The following NCOR2 variants were observed in gnomAD, a reference collection of about 807,000 sequenced individuals.
NCOR2 encodes the protein nuclear receptor corepressor 2, also known as CTG repeat protein 26.
In NCOR2, 81 loss-of-function variants were observed where a neutral mutation model predicts 262.9. The ratio of observed to expected loss-of-function variants is 0.31; its 90% CI spans 0.26 to 0.37. The LOEUF is 0.37. Ranked by LOEUF, NCOR2 falls within the 10% of genes least tolerant of loss-of-function variation. The probability of loss-of-function intolerance (pLI) is 1.00; values close to 1 mark genes in which losing one functional copy is unlikely to be tolerated. For synonymous variants in NCOR2, 1,659 were observed against 1,559.3 expected (o/e 1.06, Z -1.51); for missense variants, 3,385 against 3,621.4 (o/e 0.93, Z 1.68).
Position 124,340,768 on chromosome 12 carries a change from G to A in NCOR2, c.5189-17C>T, listed in dbSNP as rs1160209881. ...CGATGATGCCTGCGGGAGGTGTTGG[G>A]CCAGGGCTGTAGCCACAGGGAGGAG... On this transcript the variant is annotated splice_polypyrimidine_tract_variant and intron_variant, in intron 34 of 46. Coordinates refer to ENST00000405201, the Ensembl canonical transcript of NCOR2. 6.6e-7 allele frequency: 1 copy of A among 1,517,178 alleles called. No homozygotes were observed. The highest frequency in any genetic ancestry group is 1.3e-5 in the South Asian group (1 of 75,364). 94.0% of individuals were successfully genotyped at this position (1,517,178 alleles called of 1,614,324 possible).
At chr12:124,350,606 G>A in exon 28 of NCOR2, 1 of 1,613,886 alleles carries the variant, frequency 6.2e-7, no homozygotes, top group South Asian at 1.1e-5. Context: ...ACAAGACGTG[G>A]CCCTTCTTGC....
rs538735112 is a variant in NCOR2, at chr12:124,454,040, C to T, written c.762+3066G>A. ...CCGTCCCTGGCCCGGGCTTCTGGCACCCAGTTGGTAGACAGGACCCTGCAG... is the reference window on the plus strand; with the variant it reads ...CCGTCCCTGGCCCGGGCTTCTGGCATCCAGTTGGTAGACAGGACCCTGCAG... On this transcript the variant is annotated intron_variant, in intron 6 of 46. Coordinates refer to ENST00000405201, the Ensembl canonical transcript of NCOR2. The surrounding 1 kb of genome is among the most constrained non-coding windows in gnomAD (Gnocchi z 5.6). Among the ~76,000 whole-genome samples the T allele has an allele frequency of 3.3e-5, 5 of 152,358 alleles. No individual in the cohort carries two copies. The highest frequency in any genetic ancestry group is 9.6e-5 in the African/African-American group (4 of 41,578).
At chr12:124,411,433 C>T (rs2042582114) in intron 13 of NCOR2, among the ~76,000 whole-genome samples, 1 of 152,148 alleles carries the variant, frequency 6.6e-6, no homozygotes, top group Admixed American at 6.5e-5. Flanking sequence ...CTTCTTGGAC[C>T]CAGGCCGGAT....
At chr12:124,532,275 C>A (rs1034808463) in intron 1 of NCOR2, among the ~76,000 whole-genome samples, 1 of 152,116 alleles carries the variant, frequency 6.6e-6, no homozygotes, top group Non-Finnish European at 1.5e-5. Flanking sequence ...CCCCCACCCA[C>A]CCTCTCCAGC....
exon 40 of NCOR2, chr12:124,335,152 G>C (rs1295454762): frequency 6.2e-7 from 1 of 1,612,170 alleles, no homozygotes; most frequent in Non-Finnish European, 8.5e-7. Flanking sequence ...TGCTGGGCCA[G>C]GGTGACCACC....
At chr12:124,498,517 C>T (rs557106863), upstream of NCOR2, among the ~76,000 whole-genome samples, 17 of 152,312 alleles carry the variant, frequency 1.1e-4, no homozygotes, top group South Asian at 2.1e-4. Flanking sequence ...TCACTCACCA[C>T]GAGCTTAGGA....
chr12:124,496,958 G>A (rs909857005), upstream of NCOR2, among the ~76,000 whole-genome samples: 2 of 152,240 alleles, frequency 1.3e-5, no homozygotes, highest in African/African-American at 4.8e-5. The surrounding 1 kb of genome is among the most constrained non-coding windows in gnomAD (Gnocchi z 4.4). Context: ...CATGCAGCAG[G>A]AGCCTGCCTG....
At position 124,325,388 on chromosome 12, in the gene NCOR2, C is replaced by CG. The variant is rs1555297215; in HGVS notation, c.*13dup. 42 of 693,298 alleles carry CG rather than the reference C, an allele frequency of 6.1e-5. 1 individual carries two copies. The highest frequency in any genetic ancestry group is 3.3e-4 in the Admixed American group (6 of 18,398). The allele number at this position is 693,298 out of a possible 1,614,324, so 42.9% of individuals were successfully genotyped here. A position where few individuals can be genotyped will look rare whatever the true frequency, so the allele number is the denominator to read the frequency against. On this transcript the variant is annotated 3_prime_UTR_variant, in exon 47 of 47. Transcript: ENST00000405201. ...TGGGACCTGACACCGCCCCCCCCCCCGCCCTGTTCTGAGTCACTCGCTGTC... is the reference window on the plus strand; with the variant it reads ...TGGGACCTGACACCGCCCCCCCCCCCGGCCCTGTTCTGAGTCACTCGCTGTC...
chr12:124,449,215 G>A lies in NCOR2; in HGVS notation c.815+600C>T, dbSNP rs181254953. Among the ~76,000 whole-genome samples, 3 of 152,316 alleles carry A rather than the reference G, an allele frequency of 2.0e-5. No homozygotes were observed. In the East Asian group the frequency reaches 5.8e-4, roughly 29 times the overall value. On this transcript the variant is annotated intron_variant, in intron 7 of 46. Transcript: ENST00000405201. ...TCCAGCACCGCCTCACCCAATGGCA[G>A]TGGCACTTAATTGACATTTTCTTCC...
intron 1 of NCOR2, among the ~76,000 whole-genome samples, chr12:124,553,311 A>G (rs2051773343): frequency 6.6e-6 from 1 of 152,228 alleles, no homozygotes; most frequent in Non-Finnish European, 1.5e-5. Context: ...CCTTAATTCC[A>G]TCTGCCACCT....
intron 10 of NCOR2, among the ~76,000 whole-genome samples, chr12:124,428,057 G>GTGTGTGTGTGTGTT (rs2043670573): frequency 7.6e-6 from 1 of 131,160 alleles, no homozygotes; most frequent in Non-Finnish European, 1.7e-5. Context: ...GTGTGTGTGT[G>GTGTGTGTGTGTGTT]TGTGTGTGTG....
intron 16 of NCOR2, among the ~76,000 whole-genome samples, chr12:124,391,659 A>G (rs2041314396): frequency 6.6e-6 from 1 of 151,774 alleles, no homozygotes; most frequent in Non-Finnish European, 1.5e-5. Context: ...GCACCTCCCC[A>G]CTCTTTTCTC....
chr12:124,410,365 T>C (rs2042506749), intron 13 of NCOR2, among the ~76,000 whole-genome samples: 1 of 151,594 alleles, frequency 6.6e-6, no homozygotes, highest in African/African-American at 2.4e-5. Context: ...ACTCACCAGC[T>C]GCCTTCCCTG....
At chr12:124,330,777 C>G (rs1186137573) in intron 44 of NCOR2, 68 bp downstream of exon 46, 1 of 1,510,098 alleles carries the variant, frequency 6.6e-7, no homozygotes, top group Non-Finnish European at 9.0e-7. Context: ...TTCATGACAG[C>G]TGGAGCAGGG....
At chr12:124,360,582 T>C (rs989357281) in intron 22 of NCOR2, among the ~76,000 whole-genome samples, 3 of 152,144 alleles carry the variant, frequency 2.0e-5, no homozygotes, top group African/African-American at 7.2e-5. Flanking sequence ...CTGCCACACC[T>C]GAGACAAAAT....
chr12:124,334,360 G>T, intron 41 of NCOR2, 64 bp downstream of exon 43: 2 of 1,241,972 alleles, frequency 1.6e-6, no homozygotes, highest in Non-Finnish European at 2.3e-6. Context: ...CAGCTCTGAG[G>T]CAGGCAGCTG....
chr12:124,351,052 A>G (rs944422363), intron 27 of NCOR2, among the ~76,000 whole-genome samples: 18 of 152,168 alleles, frequency 1.2e-4, no homozygotes, highest in Middle Eastern at 3.2e-3. Context: ...GGGGAAACCG[A>G]GGCACAGGGA....
chr12:124,435,727 T>C (rs117207436), intron 8 of NCOR2, among the ~76,000 whole-genome samples: 3,496 of 152,212 alleles, frequency 0.023, 66 homozygotes, highest in Non-Finnish European at 0.038. Flanking sequence ...AGCCCCACCA[T>C]GTGGCCGCTC....
chr12:124,509,026 A>ACAC (rs1026532221), intron 1 of NCOR2, among the ~76,000 whole-genome samples: 7 of 152,068 alleles, frequency 4.6e-5, no homozygotes, highest in Admixed American at 1.3e-4. Context: ...GGACACACAC[A>ACAC]CACTGGCCAT....
Sources: gnomAD v4.1 joint callset for allele counts (sites outside exome capture counted in the v4.1 genomes callset) on GRCh38, gnomAD v4.1.1 for gene constraint, Gnocchi (gnomAD v3.1) non-coding constraint, MANE v1.5 for transcripts, NCBI Gene and HGNC (gene_info 2026-07-23, HGNC 2026-07-21) for gene names.